ATG5: variants seen among roughly 807,000 people sequenced by gnomAD.
ATG5 encodes autophagy protein 5.
In ATG5, 14 loss-of-function variants were observed where a neutral mutation model predicts 36.5. The ratio of observed to expected loss-of-function variants is 0.38; its 90% CI spans 0.25 to 0.60. The LOEUF is 0.60. Ranked by LOEUF, ATG5 falls within the 20% of genes least tolerant of loss-of-function variation. The pLI is 0.60. For synonymous variants in ATG5, 95 were observed against 101.5 expected, an observed-to-expected ratio of 0.94 and a Z score of 0.38; for missense variants, 195 against 326.7, an observed-to-expected ratio of 0.60 and a Z score of 3.11.
intron 6 of ATG5, among the ~76,000 whole-genome samples, chr6:106,214,320 G>A (rs556568408): frequency 6.6e-6 from 1 of 152,262 alleles, no homozygotes; most frequent in Admixed American, 6.5e-5. Context: ...GGAACAGAGA[G>A]GGGAGTGGGT....
chr6:106,278,951 C>T (rs1300406056), intron 5 of ATG5, among the ~76,000 whole-genome samples: 4 of 152,132 alleles, frequency 2.6e-5, no homozygotes, highest in African/African-American at 4.8e-5. Context: ...TAATTATCTG[C>T]GGTTAATATA....
intron 5 of ATG5, among the ~76,000 whole-genome samples, chr6:106,263,339 C>T (rs1014686550): frequency 1.1e-4 from 16 of 152,190 alleles, no homozygotes; most frequent in African/African-American, 3.6e-4. Flanking sequence ...GTAATGGCCC[C>T]ACTCATGGGC....
At position 106,233,141 on chromosome 6, in the gene ATG5, T is replaced by C. The variant is rs536102252; in HGVS notation, c.573+15009A>G. Among the ~76,000 whole-genome samples, 3 of 152,244 alleles carry C rather than the reference T, an allele frequency of 2.0e-5. No homozygotes were observed. The South Asian group carries it at 6.2e-4, about 32-fold the overall frequency. On this transcript the variant is annotated intron_variant, in intron 6 of 7. Transcript: ENST00000369076. The stretch of plus-strand genomic sequence containing the variant: ...TTTCTCGCTACCTGTGGCTACAAGG[T>C]TTCCAAACCAAAGGCTCAGCTCTGC...
At chr6:106,237,253 T>G (rs1777938537) in intron 6 of ATG5, among the ~76,000 whole-genome samples, 1 of 152,184 alleles carries the variant, frequency 6.6e-6, no homozygotes, top group African/African-American at 2.4e-5. Flanking sequence ...GAAAGAAAGT[T>G]GGGCTGTATT....
At chr6:106,278,699 T>C (rs1272630142) in intron 5 of ATG5, among the ~76,000 whole-genome samples, 1 of 152,236 alleles carries the variant, frequency 6.6e-6, no homozygotes, top group Admixed American at 6.5e-5. Flanking sequence ...ACATCTCTCT[T>C]GGCCAATTCC....
intron 1 of ATG5, 44 bp from the exon 2 acceptor site, chr6:106,316,310 G>A (rs1770845753): frequency 3.1e-6 from 2 of 643,488 alleles, no homozygotes; most frequent in Middle Eastern, 5.3e-4. Flanking sequence ...TTGCAACGAT[G>A]AATGAACCTG....
At chr6:106,288,620 G>A (rs934052486) in intron 4 of ATG5, among the ~76,000 whole-genome samples, 1 of 152,086 alleles carries the variant, frequency 6.6e-6, no homozygotes, top group Non-Finnish European at 1.5e-5. Flanking sequence ...TCTAACTCTT[G>A]TTAATCAACA....
intron 5 of ATG5, among the ~76,000 whole-genome samples, chr6:106,249,171 A>G (rs1324090472): frequency 1.3e-5 from 2 of 152,162 alleles, no homozygotes; most frequent in South Asian, 2.1e-4. Flanking sequence ...TTTAAAGTAT[A>G]CAACTTAGTG....
intron 6 of ATG5, among the ~76,000 whole-genome samples, chr6:106,207,796 A>G (rs1776694751): frequency 1.3e-5 from 2 of 152,160 alleles, no homozygotes; most frequent in African/African-American, 4.8e-5. Flanking sequence ...GCCAGTTGTT[A>G]AAGAGTATTA....
In ATG5 at chr6:106,186,383, T is replaced by C; in HGVS notation, c.*157A>G. The C allele has an allele frequency of 1.3e-6, 1 of 794,938 alleles. No individual in the cohort carries two copies. The highest frequency in any genetic ancestry group is 2.0e-6 in the Non-Finnish European group (1 of 507,822). 49.2% of individuals were successfully genotyped at this position (794,938 alleles called of 1,614,324 possible). On this transcript the variant is annotated 3_prime_UTR_variant, in exon 8 of 8. Transcript: ENST00000369076. Reference sequence around the variant, plus strand: ...GTGATGCAAAGTAAGACCAGCCCAGTTGCCTTATCTGACATGGAATCTTTT... The same window carrying C: ...GTGATGCAAAGTAAGACCAGCCCAGCTGCCTTATCTGACATGGAATCTTTT...
intron 6 of ATG5, among the ~76,000 whole-genome samples, chr6:106,227,212 C>G (rs1263797185): frequency 1.3e-5 from 2 of 152,098 alleles, no homozygotes; most frequent in African/African-American, 4.8e-5. Context: ...GACTTATGTA[C>G]AAAACATCTT....
intron 7 of ATG5, among the ~76,000 whole-genome samples, chr6:106,198,886 A>T (rs1298833188): frequency 6.6e-6 from 1 of 152,234 alleles, no homozygotes; most frequent in African/African-American, 2.4e-5. Flanking sequence ...TGTATCCAGA[A>T]TATATAAATA....
At chr6:106,323,331 G>A (rs545159627) in intron 1 of ATG5, among the ~76,000 whole-genome samples, 1 of 138,108 alleles carries the variant, frequency 7.2e-6, no homozygotes, top group South Asian at 2.4e-4. Context: ...CTACAGTGAA[G>A]GATCATGGGT....
At chr6:106,191,028 G>A (rs998064233) in intron 7 of ATG5, among the ~76,000 whole-genome samples, 5 of 152,062 alleles carry the variant, frequency 3.3e-5, no homozygotes, top group African/African-American at 7.2e-5. Context: ...CAGGTCTCAC[G>A]TCACTTTGAA....
At chr6:106,298,923 CA>C (rs1202446637) in intron 3 of ATG5, among the ~76,000 whole-genome samples, 1 of 152,146 alleles carries the variant, frequency 6.6e-6, no homozygotes, top group African/African-American at 2.4e-5. Flanking sequence ...TCAAGGATTT[CA>C]AAAGTACTAA....
At chr6:106,243,289 A>G (rs535725624) in intron 6 of ATG5, among the ~76,000 whole-genome samples, 86 of 152,352 alleles carry the variant, frequency 5.6e-4, no homozygotes, top group Non-Finnish European at 4.1e-4. Context: ...GAGGATTATG[A>G]AAGTAAACAA....
chr6:106,290,780 T>A (rs1169878099), intron 4 of ATG5, among the ~76,000 whole-genome samples: 1 of 152,226 alleles, frequency 6.6e-6, no homozygotes, highest in Non-Finnish European at 1.5e-5. Flanking sequence ...GTTCACTGAT[T>A]TACGCATTCC....
At chr6:106,187,204 T>C (rs1344595712) in intron 7 of ATG5, among the ~76,000 whole-genome samples, 5 of 152,170 alleles carry the variant, frequency 3.3e-5, no homozygotes, top group Non-Finnish European at 5.9e-5. Context: ...CAAAATGTCT[T>C]AGAGATACTA....
intron 6 of ATG5, among the ~76,000 whole-genome samples, chr6:106,228,023 C>A (rs1178308909): frequency 6.6e-6 from 1 of 152,198 alleles, no homozygotes; most frequent in Non-Finnish European, 1.5e-5. Context: ...CCTAATCTAA[C>A]AAGGAGGGGC....
Sources: allele counts gnomAD v4.1 joint callset (sites outside exome capture counted in the v4.1 genomes callset), GRCh38; gene constraint gnomAD v4.1.1; transcripts MANE v1.5; gene names NCBI Gene and HGNC (gene_info 2026-07-23, HGNC 2026-07-21).